Variants in TMC1 observed in about 807,000 individuals in gnomAD.
TMC1 encodes the protein transmembrane channel-like protein 1.
Under a neutral mutation model 105.8 loss-of-function variants are expected in TMC1, and 84 were observed. The ratio of observed to expected loss-of-function variants is 0.79; its 90% CI spans 0.67 to 0.95. The LOEUF (loss-of-function observed/expected upper bound fraction) is 0.95. Among genes scored for constraint, TMC1 ranks in the 40% least tolerant of loss-of-function variants. TMC1 has a pLI of 0.00. For missense variants in TMC1, 817 were observed against 914.1 expected (o/e 0.89, Z 1.37); for synonymous variants, 315 against 311.5 (o/e 1.01, Z -0.12).
chr9:72,556,541 G>A (rs907252624), intron 1 of TMC1, among the ~76,000 whole-genome samples: 10 of 151,516 alleles, frequency 6.6e-5, no homozygotes, highest in Non-Finnish European at 2.9e-5. Flanking sequence ...GTTCTCAGAC[G>A]GACATAGTGG....
intron 3 of TMC1, among the ~76,000 whole-genome samples, chr9:72,620,870 T>C (rs1978992): frequency 0.5 from 75,637 of 151,976 alleles, 19,147 homozygotes; most frequent in African/African-American, 0.59. Context: ...CACCTAAATG[T>C]CCCTGCAAAT....
chr9:72,811,315 GA>G (rs1405167865), intron 18 of TMC1, among the ~76,000 whole-genome samples: 1 of 152,114 alleles, frequency 6.6e-6, no homozygotes. Context: ...AACTAAGGTG[GA>G]AAAATTACTG....
intron 1 of TMC1, among the ~76,000 whole-genome samples, chr9:72,530,595 A>AT (rs1390918611): frequency 6.6e-6 from 1 of 151,566 alleles, no homozygotes; most frequent in Non-Finnish European, 1.5e-5. Context: ...TCTTAAAAAA[A>AT]AAAAAACCTT....
At chr9:72,577,061 T>A (rs930434760) in intron 1 of TMC1, among the ~76,000 whole-genome samples, 1 of 152,192 alleles carries the variant, frequency 6.6e-6, no homozygotes, top group African/African-American at 2.4e-5. Flanking sequence ...TATTTTTTTT[T>A]AATGAAGCTA....
intron 5 of TMC1, among the ~76,000 whole-genome samples, chr9:72,663,543 C>T (rs1308972010): frequency 6.6e-6 from 1 of 152,014 alleles, no homozygotes; most frequent in African/African-American, 2.4e-5. Context: ...GGACCTGTCC[C>T]CAGGAATGGA....
At chr9:72,624,278 G>A (rs998993453) in intron 3 of TMC1, among the ~76,000 whole-genome samples, 4 of 152,098 alleles carry the variant, frequency 2.6e-5, no homozygotes, top group Non-Finnish European at 4.4e-5. Flanking sequence ...GGCTAAAGAC[G>A]GCCCGGCTAA....
chr9:72,791,656 G>C (rs1184409056), intron 15 of TMC1, among the ~76,000 whole-genome samples: 1 of 152,172 alleles, frequency 6.6e-6, no homozygotes, highest in Non-Finnish European at 1.5e-5. Flanking sequence ...GAAACAGACT[G>C]TTACTACTGG....
At chr9:72,624,814 G>T (rs1258657874) in intron 3 of TMC1, among the ~76,000 whole-genome samples, 1 of 152,208 alleles carries the variant, frequency 6.6e-6, no homozygotes, top group African/African-American at 2.4e-5. Context: ...TGGCTTAACT[G>T]CATCTACCCT....
chr9:72,614,962 G>C (rs1276245885), intron 2 of TMC1, among the ~76,000 whole-genome samples: 1 of 152,132 alleles, frequency 6.6e-6, no homozygotes, highest in Non-Finnish European at 1.5e-5. Context: ...TTACAGATGT[G>C]AGCCACTGAG....
At chr9:72,603,830 G>A (rs555359034) in intron 2 of TMC1, among the ~76,000 whole-genome samples, 1 of 146,904 alleles carries the variant, frequency 6.8e-6, no homozygotes, top group East Asian at 2.0e-4. Flanking sequence ...TTACAGGTGT[G>A]AGCCACTGCG....
At chr9:72,780,096 G>C (rs888116206) in intron 13 of TMC1, among the ~76,000 whole-genome samples, 4 of 152,112 alleles carry the variant, frequency 2.6e-5, no homozygotes, top group African/African-American at 9.7e-5. Flanking sequence ...GAAGAGATTA[G>C]GGCCTATATT....
At chr9:72,530,965 C>T (rs780250898) in intron 1 of TMC1, among the ~76,000 whole-genome samples, 23 of 151,522 alleles carry the variant, frequency 1.5e-4, no homozygotes, top group Non-Finnish European at 2.9e-4. Context: ...GGACTACAGG[C>T]GCCTGCCACC....
chr9:72,777,451 A>G (rs1463518239), intron 13 of TMC1, among the ~76,000 whole-genome samples: 2 of 152,182 alleles, frequency 1.3e-5, no homozygotes, highest in Admixed American at 6.5e-5. Flanking sequence ...GTAATGATGA[A>G]TTTCAGACCC....
intron 3 of TMC1, among the ~76,000 whole-genome samples, chr9:72,618,661 G>A (rs61317029): frequency 0.26 from 40,172 of 151,892 alleles, 5,628 homozygotes; most frequent in African/African-American, 0.32. Context: ...TTTTGGTATT[G>A]TTATTTTAAA....
chr9:72,795,062 A>G (rs749264757), intron 17 of TMC1, among the ~76,000 whole-genome samples: 4 of 152,236 alleles, frequency 2.6e-5, no homozygotes, highest in Non-Finnish European at 5.9e-5. Flanking sequence ...GAAATAAGAC[A>G]GTCAGATAAA....
intron 8 of TMC1, among the ~76,000 whole-genome samples, chr9:72,707,941 G>A (rs1826771971): frequency 6.6e-6 from 1 of 152,132 alleles, no homozygotes; most frequent in Non-Finnish European, 1.5e-5. Flanking sequence ...TTTGTATAAG[G>A]TGAGAGATGA....
chr9:72,599,699 A>G (rs2132111383), intron 2 of TMC1, among the ~76,000 whole-genome samples: 1 of 151,838 alleles, frequency 6.6e-6, no homozygotes, highest in African/African-American at 2.4e-5. Context: ...CATCCCAGCT[A>G]CTCGGGAGGC....
intron 1 of TMC1, among the ~76,000 whole-genome samples, chr9:72,545,852 T>TAA (rs1336490872): frequency 1.3e-5 from 2 of 152,024 alleles, no homozygotes; most frequent in Non-Finnish European, 2.9e-5. Context: ...GCGCAGTAAT[T>TAA]TTCACAAATT....
chr9:72,793,555 C>T (rs1828312664), intron 17 of TMC1, among the ~76,000 whole-genome samples: 1 of 152,176 alleles, frequency 6.6e-6, no homozygotes, highest in Non-Finnish European at 1.5e-5. Context: ...TTCCTCCTCA[C>T]TGGGTAGGAC....
Sources: gnomAD v4.1 joint callset for allele counts (sites outside exome capture counted in the v4.1 genomes callset) on GRCh38, gnomAD v4.1.1 for gene constraint, MANE v1.5 for transcripts, NCBI Gene and HGNC (gene_info 2026-07-23, HGNC 2026-07-21) for gene names.